ING1: variants seen among roughly 807,000 people sequenced by gnomAD.
ING1 encodes the protein inhibitor of growth family member 1, also known as inhibitor of growth protein 1.
A neutral mutation model predicts 23.1 loss-of-function variants in ING1; 4 were observed. The observed-to-expected ratio is 0.17, with a 90% confidence interval of 0.09 to 0.40. The LOEUF (loss-of-function observed/expected upper bound fraction) is 0.40, where lower values mean the gene tolerates loss of function less well. ING1 is among the 10% of genes least tolerant of loss of function. The probability of loss-of-function intolerance (pLI) is 1.00; values close to 1 mark genes in which losing one functional copy is unlikely to be tolerated. For synonymous variants in ING1, 179 were observed against 166.4 expected (o/e 1.08, Z -0.58); for missense variants, 256 against 393.8 (o/e 0.65, Z 2.96).
chr13:110,714,129 C>T lies in ING1; in HGVS notation c.-21C>T, dbSNP rs1448515800. 1.3e-6 allele frequency: 2 copies of T among 1,507,456 alleles called. No homozygotes were observed. Among genetic ancestry groups the T allele is most frequent in the East Asian group, 2.7e-5 (1 of 36,850 alleles). The allele number at this position is 1,507,456 out of a possible 1,614,324, so 93.4% of individuals were successfully genotyped here. A position where few individuals can be genotyped will look rare whatever the true frequency, so the allele number is the denominator to read the frequency against. On this transcript the variant is annotated 5_prime_UTR_variant, in exon 1 of 2. Transcript: ENST00000333219. ...GAAGCGGAAAGCCGCGCCGAGTCGC[C>T]GGGGACCTCCGGGGTGAACCATGTT...
chr13:110,715,358 G>A (rs952051325), intron 1 of ING1: 20 of 1,485,650 alleles, frequency 1.3e-5, no homozygotes, highest in African/African-American at 4.2e-5. Context: ...CGTTCTATCC[G>A]AGACGTAGCT....
In ING1 at chr13:110,719,408, G is replaced by A; in HGVS notation, c.316G>A (p.Val106Met). The change falls in exon 2 of 2, where the codon GTG (valine) becomes ATG (methionine). Residue 106 changes from valine (V) to methionine (M), a missense_variant. By Grantham distance (21) the Val-to-Met change is conservative (BLOSUM62 1). Coordinates refer to ENST00000333219, the MANE Select transcript of ING1 (RefSeq NM_198219.3). This position sits in a 1 kb window ranked among gnomAD's most constrained non-coding sequence, Gnocchi z 8.9. ...GCTGGTGGAGAACCGCACGCGGCAG[G>A]TGGACAGCCACGTGGAGCTGTTCGA... is the stretch of plus-strand genomic sequence containing the variant. The part of the protein sequence containing the change: ...VELVENRTRQ[V>M]DSHVELFEAQ... 3 of 1,611,432 alleles carry A rather than the reference G, an allele frequency of 1.9e-6. No homozygotes were observed. The highest frequency in any genetic ancestry group is 2.5e-6 in the Non-Finnish European group (3 of 1,179,708).
In ING1 at chr13:110,719,153, C is replaced by T. The variant is rs2064149163; in HGVS notation, c.137-76C>T. On this transcript the variant is annotated intron_variant, in intron 1 of 1. Coordinates refer to ENST00000333219, the MANE Select transcript of ING1 (RefSeq NM_198219.3). This position sits in a 1 kb window ranked among gnomAD's most constrained non-coding sequence, Gnocchi z 8.9. Reference sequence around the variant, plus strand: ...CCCCTAGGCTCCCTGCCAGCCCTCTCCGTAGACCCGTCCGGGGCCGTGTGG... The same window carrying T: ...CCCCTAGGCTCCCTGCCAGCCCTCTTCGTAGACCCGTCCGGGGCCGTGTGG... The T allele has an allele frequency of 6.8e-7, 1 of 1,460,974 alleles. No individual in the cohort carries two copies. Among genetic ancestry groups the T allele is most frequent in the Non-Finnish European group, 9.4e-7 (1 of 1,062,112 alleles). 90.5% of individuals were successfully genotyped at this position (1,460,974 alleles called of 1,614,324 possible). A position where few individuals can be genotyped will look rare whatever the true frequency, so the allele number is the denominator to read the frequency against.
Position 110,717,824 on chromosome 13 carries a change from TCAA to T in ING1, c.137-1395_137-1393del, listed in dbSNP as rs1566381181. On this transcript the variant is annotated intron_variant, in intron 1 of 1. Transcript: ENST00000333219. ...TGGGCAACAAGAGTGAAACTCCGTT[TCAA>T]CAACAACAAAAAAAGGTAGTATTGT... 2.0e-5 allele frequency among the ~76,000 whole-genome samples: 3 copies of T among 152,146 alleles called. No homozygotes were observed. In the South Asian group the frequency reaches 6.2e-4, roughly 32 times the overall value.
At chr13:110,716,051 A>G (rs1270606026) in intron 1 of ING1, 2 of 1,476,254 alleles carry the variant, frequency 1.4e-6, no homozygotes, top group South Asian at 2.8e-5. Context: ...CCCTCGGCGC[A>G]GAAACTTTTC....
upstream of ING1, chr13:110,712,930 G>C (rs901522507): frequency 3.9e-6 from 6 of 1,556,768 alleles, no homozygotes; most frequent in Non-Finnish European, 5.2e-6. Context: ...TGGCGCAGGC[G>C]CGGGAGCCGC....
rs1404985055 is a variant in ING1 at position 110,721,385 on chromosome 13, C to T, written c.*1453C>T. On this transcript the variant is annotated 3_prime_UTR_variant, in exon 2 of 2. Transcript: ENST00000333219. ...CAAGCGATTGTCCTGCCTCAGCCTCCCCAGTAGCTAGGATTACAGGCATGC... is the reference window on the plus strand; with the variant it reads ...CAAGCGATTGTCCTGCCTCAGCCTCTCCAGTAGCTAGGATTACAGGCATGC... The T allele has an allele frequency of 6.6e-6, 1 of 152,270 alleles. No homozygotes were observed. Among genetic ancestry groups the T allele is most frequent in the Non-Finnish European group, 1.5e-5 (1 of 68,174 alleles). The allele number at this position is 152,270 out of a possible 1,614,324, so 9.4% of individuals were successfully genotyped here.
chr13:110,712,813 C>A, upstream of ING1: 1 of 829,640 alleles, frequency 1.2e-6, no homozygotes, highest in Non-Finnish European at 2.0e-6. Flanking sequence ...CTATCCACCT[C>A]TTCTGGGGCT....
At chr13:110,716,138 G>A (rs2064120959) in intron 1 of ING1, 1 of 956,564 alleles carries the variant, frequency 1.0e-6, no homozygotes, top group East Asian at 2.9e-5. Context: ...GGCAGGGGCT[G>A]AGACCACTTT....
At chr13:110,716,668 T>A (rs1474311922) in intron 1 of ING1, among the ~76,000 whole-genome samples, 1 of 152,198 alleles carries the variant, frequency 6.6e-6, no homozygotes, top group Non-Finnish European at 1.5e-5. Flanking sequence ...TATGTAAAAT[T>A]AAAATACATT....
upstream of ING1, chr13:110,712,952 G>A: frequency 6.4e-7 from 1 of 1,560,234 alleles, no homozygotes; most frequent in East Asian, 2.4e-5. Flanking sequence ...TAGGCTGCTG[G>A]GAGTGGTGGT....
In ING1 at chr13:110,719,268, G is replaced by A. The variant is rs2064150699; in HGVS notation, c.176G>A (p.Ser59Asn). 1 of 1,612,778 alleles carries A rather than the reference G, an allele frequency of 6.2e-7. No homozygotes were observed. Among genetic ancestry groups the A allele is most frequent in the Non-Finnish European group, 8.5e-7 (1 of 1,179,966 alleles). ...CTAGACGAGTGCTACGAGCGCTTCA[G>A]TCGCGAGACAGACGGGGCGCAGAAG... ...KELDECYERF[S>N]RETDGAQKRR... is the part of the protein sequence containing the mutation. The change falls in exon 2 of 2, where the codon AGT (serine) becomes AAT (asparagine). Residue 59 changes from serine (S) to asparagine (N), a missense_variant. Ser to Asn is a conservative substitution (Grantham distance 46). This residue lies in a region of ING1 where 209 missense variants were observed against 273.8 expected (regional missense o/e 0.76). Coordinates refer to ENST00000333219, the MANE Select transcript of ING1 (RefSeq NM_198219.3). This position sits in a 1 kb window ranked among gnomAD's most constrained non-coding sequence, Gnocchi z 8.9.
intron 1 of ING1, chr13:110,714,966 G>A: frequency 2.0e-6 from 2 of 988,194 alleles, no homozygotes; most frequent in African/African-American, 1.7e-5. Flanking sequence ...CGTAGGGAAG[G>A]GAAGGGAAGG....
upstream of ING1, chr13:110,713,159 C>CGT: frequency 7.0e-7 from 1 of 1,429,266 alleles, no homozygotes; most frequent in Non-Finnish European, 9.1e-7. Flanking sequence ...TCCTCTTCAT[C>CGT]GTGATTGGGC....
chr13:110,715,632 G>A lies in ING1; in HGVS notation c.136+1347G>A, dbSNP rs889104943. 6 of 1,613,742 alleles carry A rather than the reference G, an allele frequency of 3.7e-6. No homozygotes were observed. In the African/African-American group the frequency reaches 8.0e-5, roughly 22 times the overall value. On this transcript the variant is annotated intron_variant, in intron 1 of 1. Coordinates refer to ENST00000333219, the MANE Select transcript of ING1 (RefSeq NM_198219.3). ...ACGTCTTCGGGTCGCTCGGCCTCCA[G>A]CCTTGGATTGGTTCTTCTCGCTGCT...
rs1436970913 is a variant in ING1 at position 110,721,912 on chromosome 13, G to T, written c.*1980G>T. ...TTTAACTTCGCACATGGTAAAATCA[G>T]TTTCTTTCCATGATCTGTTTCACAG... is the stretch of plus-strand genomic sequence containing the variant. On this transcript the variant is annotated 3_prime_UTR_variant, in exon 2 of 2. Coordinates refer to ENST00000333219, the MANE Select transcript of ING1 (RefSeq NM_198219.3). 1 of 152,212 alleles carries T rather than the reference G, an allele frequency of 6.6e-6. No individual in the cohort carries two copies. The highest frequency in any genetic ancestry group is 1.5e-5 in the Non-Finnish European group (1 of 68,034). The allele number at this position is 152,212 out of a possible 1,614,324, so 9.4% of individuals were successfully genotyped here. A position where few individuals can be genotyped will look rare whatever the true frequency, so the allele number is the denominator to read the frequency against.
chr13:110,717,607 A>T (rs910133137), intron 1 of ING1, among the ~76,000 whole-genome samples: 1 of 152,132 alleles, frequency 6.6e-6, no homozygotes, highest in African/African-American at 2.4e-5. Flanking sequence ...CGGGCGGATC[A>T]CCTGAGGTCG....
rs771710124 is a variant in ING1 at position 110,720,223 on chromosome 13, A to G, written c.*291A>G. 1 of 246,810 alleles carries G rather than the reference A, an allele frequency of 4.1e-6. No homozygotes were observed. 15.3% of individuals were successfully genotyped at this position (246,810 alleles called of 1,614,324 possible). A position where few individuals can be genotyped will look rare whatever the true frequency, so the allele number is the denominator to read the frequency against. ...TGCGGGAGGAGGGGGACTAAACTCA[A>G]CCTAACACATTAAATGTGGAAGGAA... On this transcript the variant is annotated 3_prime_UTR_variant, in exon 2 of 2. Coordinates refer to ENST00000333219, the MANE Select transcript of ING1 (RefSeq NM_198219.3).
At chr13:110,718,052 C>T (rs2064139191) in intron 1 of ING1, among the ~76,000 whole-genome samples, 1 of 152,206 alleles carries the variant, frequency 6.6e-6, no homozygotes, top group Non-Finnish European at 1.5e-5. Context: ...TGCCAAATTA[C>T]ACTTTAAAAT....
Sources: allele counts gnomAD v4.1 joint callset (sites outside exome capture counted in the v4.1 genomes callset), GRCh38; gene constraint gnomAD v4.1.1; regional missense constraint gnomAD v4.1.1; non-coding constraint Gnocchi (gnomAD v3.1); transcripts MANE v1.5; gene names NCBI Gene and HGNC (gene_info 2026-07-23, HGNC 2026-07-21).